Variants in LRRC4C observed in about 807,000 individuals in gnomAD.
LRRC4C encodes leucine-rich repeat-containing protein 4C.
A neutral mutation model predicts 33.6 loss-of-function variants in LRRC4C; 5 were observed. The observed-to-expected ratio is 0.15, with a 90% CI of 0.08 to 0.31. The LOEUF is 0.31. Among genes scored for constraint, LRRC4C ranks in the 10% least tolerant of loss-of-function variants. The pLI is 1.00. For missense variants in LRRC4C, 560 were observed against 796.7 expected (o/e 0.70, Z 3.58); for synonymous variants, 329 against 302.0 (o/e 1.09, Z -0.93).
chr11:40,701,510 G>A (rs1007522960), intron 2 of LRRC4C, among the ~76,000 whole-genome samples: 1 of 151,634 alleles, frequency 6.6e-6, no homozygotes, highest in African/African-American at 2.4e-5. Flanking sequence ...CCGTACTTAT[G>A]TGATGGCAAA....
chr11:40,488,399 G>A (rs1034725924), intron 3 of LRRC4C, among the ~76,000 whole-genome samples: 25 of 152,024 alleles, frequency 1.6e-4, no homozygotes, highest in African/African-American at 6.0e-4. Context: ...CCCTTACTCA[G>A]GTCACGAGAC....
At chr11:40,680,169 C>T (rs189027721) in intron 2 of LRRC4C, among the ~76,000 whole-genome samples, 14 of 152,330 alleles carry the variant, frequency 9.2e-5, no homozygotes, top group Admixed American at 3.9e-4. Flanking sequence ...AGCCTTTAAG[C>T]TTCGGCCAAT....
chr11:41,060,995 C>A (rs182111789), intron 1 of LRRC4C, among the ~76,000 whole-genome samples: 11 of 152,068 alleles, frequency 7.2e-5, no homozygotes, highest in Admixed American at 3.3e-4. Flanking sequence ...TCCCCTCCCC[C>A]CTCCACACAG....
intron 1 of LRRC4C, among the ~76,000 whole-genome samples, chr11:41,088,269 T>C (rs539119384): frequency 5.3e-4 from 80 of 152,212 alleles, no homozygotes; most frequent in African/African-American, 1.9e-3. Flanking sequence ...AAGCAAATAA[T>C]TAAATAATTC....
At chr11:41,360,782 A>G (rs1438048994) in intron 1 of LRRC4C, among the ~76,000 whole-genome samples, 1 of 152,174 alleles carries the variant, frequency 6.6e-6, no homozygotes, top group Non-Finnish European at 1.5e-5. Flanking sequence ...TCATGAGGAG[A>G]CCAGAGTAGA....
chr11:40,571,710 C>G lies in LRRC4C; in HGVS notation c.-270+76432G>C, dbSNP rs1006041907. Among the ~76,000 whole-genome samples, 15 of 152,202 alleles carry G rather than the reference C, an allele frequency of 9.9e-5. No individual in the cohort carries two copies. The South Asian group carries it at 1.4e-3, about 15-fold the overall frequency. On this transcript the variant is annotated intron_variant, in intron 3 of 6. Transcript: ENST00000528697. The stretch of plus-strand genomic sequence containing the variant: ...TATATTGTGTTTCTATCTGTGCTTC[C>G]TGATCATTATAGATCTTTAAACACC...
intron 1 of LRRC4C, among the ~76,000 whole-genome samples, chr11:40,939,883 C>G (rs1220316973): frequency 6.6e-6 from 1 of 152,112 alleles, no homozygotes; most frequent in Non-Finnish European, 1.5e-5. Flanking sequence ...ATTGTGATGA[C>G]AGGGGTTTGT....
chr11:41,355,214 A>C (rs1280832912), intron 1 of LRRC4C, among the ~76,000 whole-genome samples: 2 of 152,156 alleles, frequency 1.3e-5, no homozygotes, highest in Non-Finnish European at 2.9e-5. Flanking sequence ...AAGAACATGA[A>C]AAAATGCTCA....
chr11:40,436,524 C>G lies in LRRC4C; in HGVS notation c.-269-116803G>C, dbSNP rs1951146303. Among the ~76,000 whole-genome samples the G allele has an allele frequency of 2.6e-5, 4 of 152,258 alleles. No homozygotes were observed. The South Asian group carries it at 8.3e-4, about 32-fold the overall frequency. The stretch of plus-strand genomic sequence containing the variant: ...ACAAAGTTGGCAAGGGTTAGTTGAA[C>G]AGAATCTGTCAAACCAGCCTCTCTC... On this transcript the variant is annotated intron_variant, in intron 3 of 6. Coordinates refer to ENST00000528697, the MANE Select transcript of LRRC4C (RefSeq NM_001258419.2).
At chr11:40,372,210 C>T (rs1434580383) in intron 3 of LRRC4C, among the ~76,000 whole-genome samples, 2 of 152,132 alleles carry the variant, frequency 1.3e-5, no homozygotes, top group African/African-American at 4.8e-5. Context: ...TATTCAATGT[C>T]CATTTCTGAC....
At chr11:41,250,884 T>C (rs1222754587) in intron 1 of LRRC4C, among the ~76,000 whole-genome samples, 1 of 152,228 alleles carries the variant, frequency 6.6e-6, no homozygotes, top group Non-Finnish European at 1.5e-5. Flanking sequence ...CAAAATCTGA[T>C]TTTTGACTCA....
intron 1 of LRRC4C, among the ~76,000 whole-genome samples, chr11:40,979,575 G>T (rs897945941): frequency 2.0e-5 from 3 of 152,010 alleles, no homozygotes; most frequent in Admixed American, 6.6e-5. Flanking sequence ...TTAGATTTTG[G>T]AAGTCTGATT....
At chr11:40,494,349 A>T (rs1266911065) in intron 3 of LRRC4C, among the ~76,000 whole-genome samples, 1 of 152,188 alleles carries the variant, frequency 6.6e-6, no homozygotes, top group African/African-American at 2.4e-5. Context: ...TGCCTTTTAA[A>T]TCAGCTAACA....
intron 3 of LRRC4C, among the ~76,000 whole-genome samples, chr11:40,337,113 A>G (rs529901903): frequency 3.9e-5 from 6 of 152,206 alleles, no homozygotes; most frequent in Admixed American, 6.5e-5. Context: ...ACTCATGTAC[A>G]GCTACTGAAA....
chr11:41,108,553 G>T (rs551244339), intron 1 of LRRC4C, among the ~76,000 whole-genome samples: 57 of 152,056 alleles, frequency 3.7e-4, no homozygotes, highest in Non-Finnish European at 6.9e-4. Context: ...GAAAGGCCCA[G>T]ATCGCAAATT....
intron 1 of LRRC4C, among the ~76,000 whole-genome samples, chr11:40,982,156 T>C (rs1172013687): frequency 6.6e-6 from 1 of 152,156 alleles, no homozygotes; most frequent in Non-Finnish European, 1.5e-5. Context: ...AGCTAAGAAA[T>C]GGCAGATGTA....
At chr11:40,991,078 A>G (rs1853514512) in intron 1 of LRRC4C, among the ~76,000 whole-genome samples, 1 of 95,674 alleles carries the variant, frequency 1.0e-5, no homozygotes, top group Admixed American at 1.1e-4. Flanking sequence ...TGAGTCTATT[A>G]CAAAAAAAAA....
intron 2 of LRRC4C, among the ~76,000 whole-genome samples, chr11:40,717,639 C>A (rs756572922): frequency 9.9e-5 from 15 of 152,034 alleles, no homozygotes; most frequent in African/African-American, 3.6e-4. Flanking sequence ...CCAGTCACTG[C>A]GCTGTAAAAC....
At chr11:40,682,777 T>TAAATAAATAAATAAATAAAA (rs1555143904) in intron 2 of LRRC4C, among the ~76,000 whole-genome samples, 2 of 146,014 alleles carry the variant, frequency 1.4e-5, no homozygotes, top group African/African-American at 5.2e-5. Flanking sequence ...AATAAATAAA[T>TAAATAAATAAATAAATAAAA]AAAATAAAGA....
Sources: allele counts gnomAD v4.1 joint callset (sites outside exome capture counted in the v4.1 genomes callset), GRCh38; gene constraint gnomAD v4.1.1; transcripts MANE v1.5; gene names NCBI Gene and HGNC (gene_info 2026-07-23, HGNC 2026-07-21).